FTO: variants seen among roughly 807,000 people sequenced by gnomAD.
The protein encoded by FTO is alpha-ketoglutarate-dependent dioxygenase FTO.
A neutral mutation model predicts 63.9 loss-of-function variants in FTO; 47 were observed. The ratio of observed to expected loss-of-function variants is 0.74; its 90% CI spans 0.58 to 0.94. The LOEUF is 0.94. FTO is among the 40% of genes least tolerant of loss of function. The pLI is 0.00. For missense variants in FTO, 562 were observed against 618.1 expected (o/e 0.91, Z 0.96); for synonymous variants, 207 against 224.4 (o/e 0.92, Z 0.69).
rs2083943326 is a variant in FTO at position 53,996,884 on chromosome 16, AG to A, written c.1364+62776del. Reference sequence around the variant, plus strand: ...AGCACTTTGGGAGGCCGAGGCAGGCAGATCACCTGAGGTCAGGAGTTCAAGA... The same window carrying A: ...AGCACTTTGGGAGGCCGAGGCAGGCAATCACCTGAGGTCAGGAGTTCAAGA... On this transcript the variant is annotated intron_variant, in intron 8 of 8. Transcript: ENST00000471389. Among the ~76,000 whole-genome samples the A allele has an allele frequency of 1.1e-4, 16 of 152,124 alleles. No individual in the cohort carries two copies. In the South Asian group the frequency reaches 3.3e-3, roughly 32 times the overall value.
chr16:53,853,157 G>A (rs566239195), intron 4 of FTO, among the ~76,000 whole-genome samples: 170 of 152,270 alleles, frequency 1.1e-3, no homozygotes, highest in African/African-American at 3.7e-3. Context: ...GCCAGGTGTC[G>A]TGGCAGGCAC....
At chr16:53,736,918 T>C (rs1431518717) in intron 1 of FTO, among the ~76,000 whole-genome samples, 1 of 152,184 alleles carries the variant, frequency 6.6e-6, no homozygotes, top group African/African-American at 2.4e-5. Flanking sequence ...CCCAGATTTA[T>C]GTGGGGGAAC....
At chr16:54,016,250 C>A (rs2084443300) in intron 8 of FTO, among the ~76,000 whole-genome samples, 1 of 151,182 alleles carries the variant, frequency 6.6e-6, no homozygotes, top group African/African-American at 2.4e-5. Context: ...ACATGACAAA[C>A]CTGGATGTTT....
chr16:53,859,799 A>C (rs796993564), intron 4 of FTO, among the ~76,000 whole-genome samples: 4 of 152,294 alleles, frequency 2.6e-5, no homozygotes, highest in African/African-American at 7.2e-5. Context: ...AGTGTTGGTG[A>C]GGATGTGGAG....
intron 4 of FTO, among the ~76,000 whole-genome samples, chr16:53,870,137 G>GGCTAGCAA (rs2080454324): frequency 1.3e-5 from 2 of 152,118 alleles, no homozygotes; most frequent in Admixed American, 6.5e-5. Context: ...GGGGCTAGGA[G>GGCTAGCAA]TTCTAGGTGG....
chr16:53,751,108 C>T (rs111479411), intron 1 of FTO, among the ~76,000 whole-genome samples: 1 of 152,116 alleles, frequency 6.6e-6, no homozygotes. Context: ...CTGGGCCACA[C>T]ATAAAATACA....
intron 1 of FTO, among the ~76,000 whole-genome samples, chr16:53,752,093 A>G (rs2076809352): frequency 6.6e-6 from 1 of 152,246 alleles, no homozygotes; most frequent in South Asian, 2.1e-4. Flanking sequence ...GTGGCAGAAC[A>G]CGAGCAATCT....
At chr16:54,094,832 T>A (rs2086476520) in intron 8 of FTO, among the ~76,000 whole-genome samples, 1 of 152,192 alleles carries the variant, frequency 6.6e-6, no homozygotes, top group Admixed American at 6.5e-5. Context: ...TCTCATGAGA[T>A]GACTCCATTC....
At chr16:53,830,582 T>G (rs550171517) in intron 3 of FTO, among the ~76,000 whole-genome samples, 2 of 152,332 alleles carry the variant, frequency 1.3e-5, no homozygotes, top group African/African-American at 2.4e-5. Flanking sequence ...ATTCTTGACA[T>G]TATTTTCCAG....
At chr16:53,818,171 CTTT>C (rs57562818) in intron 2 of FTO, among the ~76,000 whole-genome samples, 5,142 of 147,608 alleles carry the variant, frequency 0.035, 232 homozygotes, top group East Asian at 0.097. Flanking sequence ...GTTACTTGTT[CTTT>C]TTTTTTTTTT....
intron 8 of FTO, among the ~76,000 whole-genome samples, chr16:54,018,349 G>A (rs2084500004): frequency 7.0e-6 from 1 of 143,798 alleles, no homozygotes; most frequent in Non-Finnish European, 1.5e-5. Context: ...TTTAAATTCA[G>A]TTGTGTTGGC....
At chr16:53,836,108 C>CTCG (rs2079284629) in intron 3 of FTO, among the ~76,000 whole-genome samples, 1 of 152,114 alleles carries the variant, frequency 6.6e-6, no homozygotes, top group African/African-American at 2.4e-5. Flanking sequence ...CCAGGCTGGT[C>CTCG]TCGAATTCCT....
At chr16:53,836,357 C>T (rs1307962157) in intron 3 of FTO, among the ~76,000 whole-genome samples, 4 of 152,218 alleles carry the variant, frequency 2.6e-5, no homozygotes, top group Non-Finnish European at 4.4e-5. Context: ...ACAGTAAACA[C>T]TCTCCTGACT....
intron 8 of FTO, among the ~76,000 whole-genome samples, chr16:53,987,856 G>A (rs1460815771): frequency 2.6e-5 from 4 of 152,168 alleles, no homozygotes; most frequent in Admixed American, 2.6e-4. Context: ...TGAGGCTCAA[G>A]GGAGATAATG....
At chr16:54,082,390 C>A (rs1276266855) in intron 8 of FTO, among the ~76,000 whole-genome samples, 2 of 152,172 alleles carry the variant, frequency 1.3e-5, no homozygotes, top group African/African-American at 4.8e-5. Flanking sequence ...GAAAACATGA[C>A]CTCTAAGAAA....
At chr16:53,826,599 TTGCGTGTGTACATGCACATGCG>T in intron 3 of FTO, 108 bp downstream of exon 3, 1 of 1,065,650 alleles carries the variant, frequency 9.4e-7, no homozygotes, top group Non-Finnish European at 1.4e-6. Flanking sequence ...GCATGTGTGC[TTGCGTGTGTACATGCACATGCG>T]TGTGTGTGTA....
chr16:53,855,588 A>C (rs957299956), intron 4 of FTO, among the ~76,000 whole-genome samples: 2 of 152,098 alleles, frequency 1.3e-5, no homozygotes, highest in Non-Finnish European at 1.5e-5. Context: ...TTATACAAGC[A>C]AAAGGAAGTA....
chr16:53,893,807 A>T (rs935312634), intron 7 of FTO, among the ~76,000 whole-genome samples: 1 of 152,216 alleles, frequency 6.6e-6, no homozygotes, highest in Non-Finnish European at 1.5e-5. Context: ...CTTTTAGAAT[A>T]AAAAGTAGAT....
intron 7 of FTO, among the ~76,000 whole-genome samples, chr16:53,903,960 G>A (rs1306713750): frequency 2.0e-5 from 3 of 151,578 alleles, no homozygotes; most frequent in Admixed American, 6.6e-5. Context: ...TGTATGTAGA[G>A]TTTATATACA....
Sources: gnomAD v4.1 joint callset for allele counts (sites outside exome capture counted in the v4.1 genomes callset) on GRCh38, gnomAD v4.1.1 for gene constraint, MANE v1.5 for transcripts, NCBI Gene and HGNC (gene_info 2026-07-23, HGNC 2026-07-21) for gene names.